RFX4: variants seen among roughly 807,000 people sequenced by gnomAD.
RFX4 encodes transcription factor RFX4.
RFX4 carries 10 observed loss-of-function variants against 95.0 expected under a neutral mutation model. That is an observed-to-expected ratio of 0.11 (90% CI 0.06 to 0.18). The LOEUF (loss-of-function observed/expected upper bound fraction) is 0.18. Among genes scored for constraint, RFX4 ranks in the 10% least tolerant of loss-of-function variants. RFX4 has a pLI of 1.00. For missense variants in RFX4, 640 were observed against 922.0 expected, an observed-to-expected ratio of 0.69 and a Z score of 3.96; for synonymous variants, 321 against 340.7, an observed-to-expected ratio of 0.94 and a Z score of 0.64.
Position 106,655,995 on chromosome 12 carries a change from G to A in RFX4, c.315+1644G>A, listed in dbSNP as rs75953721. Among the ~76,000 whole-genome samples, 3 of 152,300 alleles carry A rather than the reference G, an allele frequency of 2.0e-5. No individual in the cohort carries two copies. The East Asian group carries it at 5.8e-4, about 29-fold the overall frequency. ...CACTTGTAGAAACTCCAATTTGCCT[G>A]CACAAGAAGCCTCTATTCTCTTTTC... On this transcript the variant is annotated intron_variant, in intron 4 of 17. Transcript: ENST00000392842.
Position 106,589,254 on chromosome 12 carries a change from G to A in RFX4, c.43+5891G>A, listed in dbSNP as rs529492683. ...AAAAGAAGAAAATAGACTACTTTGGGTTTTATTCAGTCTCACTTCCTGACT... is the reference window on the plus strand; with the variant it reads ...AAAAGAAGAAAATAGACTACTTTGGATTTTATTCAGTCTCACTTCCTGACT... On this transcript the variant is annotated intron_variant, in intron 1 of 17. Transcript: ENST00000392842. 1.1e-4 allele frequency among the ~76,000 whole-genome samples: 17 copies of A among 152,288 alleles called. No homozygotes were observed. The Middle Eastern group carries it at 0.014, about 122-fold the overall frequency.
intron 8 of RFX4, among the ~76,000 whole-genome samples, 179 bp downstream of exon 8, chr12:106,696,625 T>G (rs978922091): frequency 6.6e-6 from 1 of 152,170 alleles, no homozygotes; most frequent in African/African-American, 2.4e-5. Context: ...ACTGTTAATA[T>G]TTTGAACCAT....
At chr12:106,689,397 G>A (rs533185417) in intron 7 of RFX4, 33 bp downstream of exon 7, 43 of 1,541,454 alleles carry the variant, frequency 2.8e-5, no homozygotes, top group Middle Eastern at 3.4e-4. Flanking sequence ...GTGAATACTC[G>A]GTATTAAAAA....
At chr12:106,645,839 C>G in intron 3 of RFX4, 9 of 1,160,374 alleles carry the variant, frequency 7.8e-6, no homozygotes, top group Non-Finnish European at 1.0e-5. Context: ...AAAAGGGAGG[C>G]TGAACACTTT....
At chr12:106,606,249 G>A (rs1265644788) in intron 1 of RFX4, among the ~76,000 whole-genome samples, 1 of 152,166 alleles carries the variant, frequency 6.6e-6, no homozygotes, top group East Asian at 1.9e-4. Flanking sequence ...TGATGAAAGG[G>A]GGATTGGGGT....
chr12:106,728,851 T>C (rs950346139), intron 13 of RFX4, among the ~76,000 whole-genome samples: 36 of 152,352 alleles, frequency 2.4e-4, no homozygotes, highest in African/African-American at 7.2e-4. Context: ...TCCTTTGTAC[T>C]CAGAGCACTT....
chr12:106,623,770 G>A (rs1294282480), intron 2 of RFX4, among the ~76,000 whole-genome samples: 1 of 152,202 alleles, frequency 6.6e-6, no homozygotes, highest in Non-Finnish European at 1.5e-5. Context: ...GGGTGACAGA[G>A]TGAGACCCCA....
intron 8 of RFX4, among the ~76,000 whole-genome samples, chr12:106,704,187 A>G (rs1455153608): frequency 6.6e-6 from 1 of 152,154 alleles, no homozygotes; most frequent in African/African-American, 2.4e-5. Context: ...TTCATTCATT[A>G]AACAAATGTT....
intron 15 of RFX4, among the ~76,000 whole-genome samples, chr12:106,741,456 T>A (rs2042802584): frequency 6.6e-6 from 1 of 152,240 alleles, no homozygotes; most frequent in African/African-American, 2.4e-5. Context: ...GATGGAAATT[T>A]TTTCTATCTT....
chr12:106,644,584 A>G (rs935578823), intron 3 of RFX4, among the ~76,000 whole-genome samples: 1 of 152,116 alleles, frequency 6.6e-6, no homozygotes, highest in Non-Finnish European at 1.5e-5. Context: ...CATCTTTGCC[A>G]TTACAAGTAG....
At chr12:106,712,507 T>C (rs908991065) in intron 10 of RFX4, among the ~76,000 whole-genome samples, 16 of 152,060 alleles carry the variant, frequency 1.1e-4, no homozygotes, top group African/African-American at 3.6e-4. Flanking sequence ...TCTGGGTGGG[T>C]TCAAGGTCAA....
At chr12:106,690,105 G>A (rs1004231525) in intron 7 of RFX4, among the ~76,000 whole-genome samples, 4 of 152,086 alleles carry the variant, frequency 2.6e-5, no homozygotes, top group Non-Finnish European at 5.9e-5. Context: ...TGTAGGTGGA[G>A]GGATATAAAA....
At chr12:106,686,567 T>G (rs1418368612) in intron 5 of RFX4, among the ~76,000 whole-genome samples, 2 of 152,122 alleles carry the variant, frequency 1.3e-5, no homozygotes, top group Non-Finnish European at 2.9e-5. Flanking sequence ...TGGCTAGACA[T>G]GAGAGATCAA....
chr12:106,675,529 A>G (rs1317360307), intron 4 of RFX4, among the ~76,000 whole-genome samples: 1 of 152,198 alleles, frequency 6.6e-6, no homozygotes, highest in East Asian at 1.9e-4. Context: ...GAGGTAATGA[A>G]TATGTTAATT....
chr12:106,675,619 G>T (rs1477241063), intron 4 of RFX4, among the ~76,000 whole-genome samples: 1 of 152,072 alleles, frequency 6.6e-6, no homozygotes, highest in Non-Finnish European at 1.5e-5. Context: ...AATTTTATTT[G>T]TCAACTTTAA....
intron 4 of RFX4, among the ~76,000 whole-genome samples, chr12:106,661,582 CTTGGTGAATTCACTCACA>C (rs1055816088): frequency 1.1e-4 from 17 of 152,178 alleles, no homozygotes; most frequent in Admixed American, 5.9e-4. Flanking sequence ...AGAATTCACT[CTTGGTGAATTCACTCACA>C]TTGGTGAATT....
At chr12:106,617,337 A>G (rs1233886905) in intron 2 of RFX4, among the ~76,000 whole-genome samples, 20 of 152,082 alleles carry the variant, frequency 1.3e-4, no homozygotes, top group Admixed American at 1.3e-3. Flanking sequence ...TGCTTAGATT[A>G]TTGATTTTCA....
At chr12:106,707,450 C>T (rs1785989707) in intron 8 of RFX4, among the ~76,000 whole-genome samples, 1 of 151,942 alleles carries the variant, frequency 6.6e-6, no homozygotes, top group South Asian at 2.1e-4. Flanking sequence ...AACTGAGAGG[C>T]GTGATGACCA....
chr12:106,591,557 C>T (rs570727930), intron 1 of RFX4, among the ~76,000 whole-genome samples: 15 of 152,180 alleles, frequency 9.9e-5, no homozygotes, highest in South Asian at 2.1e-4. Context: ...TGAGCCATCG[C>T]GTCCGGCTAA....
Sources: allele counts gnomAD v4.1 joint callset (sites outside exome capture counted in the v4.1 genomes callset), GRCh38; gene constraint gnomAD v4.1.1; transcripts MANE v1.5; gene names NCBI Gene and HGNC (gene_info 2026-07-23, HGNC 2026-07-21).